Variants in ABLIM3 observed in about 807,000 individuals in gnomAD.
The protein encoded by ABLIM3 is actin binding LIM protein family member 3.
In ABLIM3, 61 loss-of-function variants were observed where a neutral mutation model predicts 109.5. The ratio of observed to expected loss-of-function variants is 0.56; its 90% CI spans 0.45 to 0.69. ABLIM3 has a LOEUF of 0.69. ABLIM3 is among the 30% of genes least tolerant of loss of function. The pLI is 0.00. For missense variants in ABLIM3, 796 were observed against 889.5 expected (o/e 0.89, Z 1.34); for synonymous variants, 300 against 324.8 (o/e 0.92, Z 0.82).
rs751483225 is a variant in ABLIM3, at chr5:149,210,712, ACTT to A, written c.576-7_576-5del. On this transcript the variant is annotated splice_polypyrimidine_tract_variant and intron_variant, in intron 6 of 23. Transcript: ENST00000309868. ...TCCCTAACTTCCTCATCCTATGTGA[ACTT>A]CTTCTTGCAGGGATGGTGTTCCATA... 1.6e-5 allele frequency: 25 copies of A among 1,612,646 alleles called. No individual in the cohort carries two copies. The highest frequency in any genetic ancestry group is 5.0e-5 in the Admixed American group (3 of 60,016).
chr5:149,200,519 G>A, intron 5 of ABLIM3, 91 bp downstream of exon 5: 1 of 1,352,050 alleles, frequency 7.4e-7, no homozygotes. Context: ...CCACGGGCCT[G>A]GAGGGAAGTG....
rs112139612 is a variant in ABLIM3, at chr5:149,205,146, G to T, written c.449-1862G>T. ...TCTTTAATTCTTTAAAAGAACTGTC[G>T]TATGGGAAAAGAGGTGGATTATTCT... On this transcript the variant is annotated intron_variant, in intron 5 of 23. Transcript: ENST00000309868. 3.9e-5 allele frequency among the ~76,000 whole-genome samples: 6 copies of T among 152,192 alleles called. No homozygotes were observed. In the East Asian group the frequency reaches 1.2e-3, roughly 29 times the overall value.
At chr5:149,179,167 G>C (rs1290273849) in intron 2 of ABLIM3, among the ~76,000 whole-genome samples, 1 of 152,128 alleles carries the variant, frequency 6.6e-6, no homozygotes, top group South Asian at 2.1e-4. Flanking sequence ...TTTGGGAAGA[G>C]CTTTACTTAC....
chr5:149,259,839 T>C lies in ABLIM3; in HGVS notation c.*1435T>C. The C allele has an allele frequency of 1.9e-6, 1 of 534,852 alleles. No individual in the cohort carries two copies. The highest frequency in any genetic ancestry group is 3.2e-5 in the East Asian group (1 of 31,086). 33.1% of individuals were successfully genotyped at this position (534,852 alleles called of 1,614,324 possible). On this transcript the variant is annotated 3_prime_UTR_variant, in exon 24 of 24. Transcript: ENST00000309868. The stretch of plus-strand genomic sequence containing the variant: ...CTCTCAAGAGGCTGGCGATGTGACA[T>C]GGCAAATGTAGAACTGACTTAAATT...
rs976627735 is a variant in ABLIM3 at position 149,259,731 on chromosome 5, G to C, written c.*1327G>C. 3 of 837,544 alleles carry C rather than the reference G, an allele frequency of 3.6e-6. No individual in the cohort carries two copies. The highest frequency in any genetic ancestry group is 3.4e-5 in the African/African-American group (2 of 58,966). The allele number at this position is 837,544 out of a possible 1,614,324, so 51.9% of individuals were successfully genotyped here. A position where few individuals can be genotyped will look rare whatever the true frequency, so the allele number is the denominator to read the frequency against. ...CTTGAATGGGTAATGTTTGGTGGGG[G>C]CTGTTCCTTCTTGGAGAAGCCTTGA... On this transcript the variant is annotated 3_prime_UTR_variant, in exon 24 of 24. Coordinates refer to ENST00000309868, the MANE Select transcript of ABLIM3 (RefSeq NM_014945.5).
chr5:149,154,954 A>G (rs553555948), intron 2 of ABLIM3, among the ~76,000 whole-genome samples: 17 of 152,354 alleles, frequency 1.1e-4, no homozygotes, highest in African/African-American at 4.1e-4. Flanking sequence ...AAGCCCAGAG[A>G]AGAGATATTT....
At chr5:149,159,663 T>G (rs917281724) in intron 2 of ABLIM3, among the ~76,000 whole-genome samples, 2 of 152,176 alleles carry the variant, frequency 1.3e-5, no homozygotes, top group Admixed American at 1.3e-4. Flanking sequence ...GAGGCCAGTA[T>G]CCTTATCAGT....
At chr5:149,240,146 G>A (rs566683762) in intron 13 of ABLIM3, among the ~76,000 whole-genome samples, 2 of 152,338 alleles carry the variant, frequency 1.3e-5, no homozygotes, top group East Asian at 1.9e-4. Context: ...CTGGCAGGTG[G>A]CCCTGTGGCC....
chr5:149,159,153 A>G (rs974811171), intron 2 of ABLIM3, among the ~76,000 whole-genome samples: 1 of 152,252 alleles, frequency 6.6e-6, no homozygotes, highest in Non-Finnish European at 1.5e-5. Context: ...AAATGGATAA[A>G]CAATCTGTGA....
chr5:149,256,496 C>T (rs1322491786), intron 23 of ABLIM3, among the ~76,000 whole-genome samples: 2 of 152,198 alleles, frequency 1.3e-5, no homozygotes, highest in Non-Finnish European at 2.9e-5. Flanking sequence ...GATGTGTAGG[C>T]ACTGCCTGGG....
rs191232455 is a variant in ABLIM3, at chr5:149,146,954, T to C, written c.13+4846T>C. Among the ~76,000 whole-genome samples the C allele has an allele frequency of 1.6e-3, 240 of 152,348 alleles. 1 individual carries two copies. Among genetic ancestry groups the C allele is most frequent in the African/African-American group, 5.7e-3 (237 of 41,592 alleles). ...ATTCTTCCAATCCATGAGCATGGAA[T>C]GTTTTTTCATTTGTTTGTGTCATCT... On this transcript the variant is annotated intron_variant, in intron 2 of 23. Coordinates refer to ENST00000309868, the MANE Select transcript of ABLIM3 (RefSeq NM_014945.5).
chr5:149,245,145 G>C (rs1342743650), intron 16 of ABLIM3, 130 bp downstream of exon 16: 15 of 1,274,206 alleles, frequency 1.2e-5, no homozygotes, highest in Admixed American at 2.5e-5. Flanking sequence ...TATAACTAAG[G>C]GTGTTTATTC....
chr5:149,214,454 C>T (rs775066947), intron 7 of ABLIM3, among the ~76,000 whole-genome samples: 9 of 152,208 alleles, frequency 5.9e-5, no homozygotes, highest in Non-Finnish European at 1.2e-4. Context: ...CTGGGACTGA[C>T]TCTCATTGGA....
At chr5:149,177,110 G>A (rs1218639599) in intron 2 of ABLIM3, 2 of 152,228 alleles carry the variant, frequency 1.3e-5, no homozygotes, top group Non-Finnish European at 2.9e-5. Flanking sequence ...ATGACACAAT[G>A]AGATGGGCAC....
chr5:149,230,478 C>T (rs141843794), intron 8 of ABLIM3, among the ~76,000 whole-genome samples, 171 bp from the exon 9 acceptor site: 407 of 152,088 alleles, frequency 2.7e-3, no homozygotes, highest in Non-Finnish European at 4.5e-3. Flanking sequence ...AGGATGTGAG[C>T]GGTCGCATAG....
At chr5:149,253,906 A>G (rs1754187828) in intron 23 of ABLIM3, among the ~76,000 whole-genome samples, 1 of 152,164 alleles carries the variant, frequency 6.6e-6, no homozygotes, top group South Asian at 2.1e-4. Flanking sequence ...AAAAAGGTTT[A>G]ATGGTCTCAC....
chr5:149,242,585 A>G (rs1420735042), intron 15 of ABLIM3, 47 bp downstream of exon 15: 2 of 1,603,058 alleles, frequency 1.2e-6, no homozygotes, highest in Admixed American at 1.7e-5. Flanking sequence ...GAGAGGGGGG[A>G]GGTTAACCAT....
chr5:149,242,400 G>T, intron 14 of ABLIM3, 91 bp from the exon 15 acceptor site: 1 of 1,337,964 alleles, frequency 7.5e-7, no homozygotes, highest in Non-Finnish European at 1.1e-6. Context: ...TCTCTTCTGA[G>T]ATCAACTGAC....
chr5:149,239,416 G>T, intron 12 of ABLIM3, 139 bp downstream of exon 12: 4 of 961,184 alleles, frequency 4.2e-6, no homozygotes, highest in Non-Finnish European at 3.3e-6. Context: ...GGAGAGACTC[G>T]GGTGCATGTC....
Sources: gnomAD v4.1 joint callset for allele counts (sites outside exome capture counted in the v4.1 genomes callset) on GRCh38, gnomAD v4.1.1 for gene constraint, MANE v1.5 for transcripts, NCBI Gene and HGNC (gene_info 2026-07-23, HGNC 2026-07-21) for gene names.